Variants in PCLO observed in about 807,000 individuals in gnomAD.
PCLO encodes the protein protein piccolo.
PCLO carries 82 observed loss-of-function variants against 427.5 expected under a neutral mutation model. That is an observed-to-expected ratio of 0.19 (90% confidence interval 0.16 to 0.23). The LOEUF is 0.23. PCLO is among the 10% of genes least tolerant of loss of function. The pLI, the probability that PCLO is intolerant of heterozygous loss-of-function variation, is 1.00. For missense variants in PCLO, 6,239 were observed against 6,115.9 expected (o/e 1.02, Z -0.67); for synonymous variants, 2,357 against 2,155.4 (o/e 1.09, Z -2.59).
At chr7:82,966,884 T>C (rs1366281512) in intron 3 of PCLO, among the ~76,000 whole-genome samples, 11 of 152,286 alleles carry the variant, frequency 7.2e-5, no homozygotes, top group South Asian at 2.1e-4. Context: ...AAGACTATTA[T>C]ATTTCATAAT....
At chr7:82,924,861 T>G (rs750615895) in intron 6 of PCLO, among the ~76,000 whole-genome samples, 1 of 151,882 alleles carries the variant, frequency 6.6e-6, no homozygotes, top group Non-Finnish European at 1.5e-5. Context: ...AGTTAAAAAA[T>G]AGATGGAAAC....
intron 3 of PCLO, among the ~76,000 whole-genome samples, chr7:83,054,735 C>A (rs1039284027): frequency 1.3e-5 from 2 of 151,832 alleles, no homozygotes; most frequent in Non-Finnish European, 2.9e-5. Context: ...AATTTTAATA[C>A]AAATAATTGG....
intron 3 of PCLO, among the ~76,000 whole-genome samples, chr7:83,033,831 A>T (rs1737638467): frequency 6.6e-6 from 1 of 152,140 alleles, no homozygotes; most frequent in Admixed American, 6.6e-5. Context: ...ATATTTCCCA[A>T]GACTTGACTG....
At chr7:82,888,081 A>G (rs1424020071) in intron 9 of PCLO, among the ~76,000 whole-genome samples, 3 of 151,314 alleles carry the variant, frequency 2.0e-5, no homozygotes, top group Admixed American at 1.3e-4. Context: ...AAACAAAAAA[A>G]AAAAGAAAGA....
intron 3 of PCLO, among the ~76,000 whole-genome samples, chr7:83,041,364 T>C (rs1016933864): frequency 3.3e-5 from 5 of 152,150 alleles, no homozygotes; most frequent in Admixed American, 3.3e-4. Flanking sequence ...CAGAGGCTGT[T>C]AAAGTCTCTA....
rs537359673 is a variant in PCLO, at chr7:82,929,483, T to C, written c.11113-12610A>G. Among the ~76,000 whole-genome samples the C allele has an allele frequency of 2.8e-4, 42 of 152,240 alleles. 1 individual carries two copies. In the South Asian group the frequency reaches 8.7e-3, roughly 32 times the overall value. On this transcript the variant is annotated intron_variant, in intron 6 of 24. Transcript: ENST00000333891. The stretch of plus-strand genomic sequence containing the variant: ...TAAAGCTCAAATAAAAAAATCAAAA[T>C]AATCTACAATGCAAATTTCTACATT...
Position 82,955,401 on chromosome 7 carries a change from A to C in PCLO, c.5552T>G (p.Leu1851Arg). 1 of 1,613,790 alleles carries C rather than the reference A, an allele frequency of 6.2e-7. No homozygotes were observed. The highest frequency in any genetic ancestry group is 2.2e-5 in the East Asian group (1 of 44,858). The change falls in exon 5 of 25, where the codon CTC becomes CGC. Residue 1851 changes from leucine to arginine, a missense_variant. Around this residue, in one of 5 missense-constraint regions of PCLO, gnomAD observed 4,677 missense variants for 4,468.4 expected, o/e 1.05. Coordinates refer to ENST00000333891, the MANE Select transcript of PCLO (RefSeq NM_033026.6). ...ELRQAAEMEE[L>R]HRSSCSEYSP... ...ATATTCAGAACAAGAAGATCTATGG[A>C]GCTCCTCCATTTCTGCAGCCTGACG...
In PCLO at chr7:82,949,553, T is replaced by A; in HGVS notation, c.11035A>T (p.Met3679Leu). 1 of 1,613,884 alleles carries A rather than the reference T, an allele frequency of 6.2e-7. No individual in the cohort carries two copies. ...PKTAKMMQRS[M>L]SDPKPLSPTA... ...GGACTCAGAGGCTTGGGGTCAGACATAGAACGCTGCATCATCTTGGCTGTC... is the reference window on the plus strand; with the variant it reads ...GGACTCAGAGGCTTGGGGTCAGACAAAGAACGCTGCATCATCTTGGCTGTC... The change falls in exon 6 of 25, where the codon ATG becomes TTG. Residue 3679 changes from methionine (M) to leucine (L), a missense_variant. Around this residue, in one of 5 missense-constraint regions of PCLO, gnomAD observed 4,677 missense variants for 4,468.4 expected, o/e 1.05. Coordinates refer to ENST00000333891, the MANE Select transcript of PCLO (RefSeq NM_033026.6).
chr7:82,834,683 G>A (rs534370848), intron 16 of PCLO, among the ~76,000 whole-genome samples: 3 of 152,158 alleles, frequency 2.0e-5, no homozygotes, highest in Non-Finnish European at 4.4e-5. Context: ...TGCAATGAGA[G>A]ATGTGCAAAA....
chr7:83,038,049 ATCTTTAT>A (rs1788863226), intron 3 of PCLO, among the ~76,000 whole-genome samples: 1 of 40,062 alleles, frequency 2.5e-5, no homozygotes, highest in Non-Finnish European at 3.9e-5. Flanking sequence ...TTATATATAT[ATCTTTAT>A]ATATATATTT....
rs150501025 is a variant in PCLO at position 83,098,522 on chromosome 7, T to C, written c.3300+35728A>G. 1.5e-4 allele frequency among the ~76,000 whole-genome samples: 23 copies of C among 152,276 alleles called. No individual in the cohort carries two copies. In the Middle Eastern group the frequency reaches 0.017, roughly 113 times the overall value. Reference sequence around the variant, plus strand: ...GCGAATCTTAAACTTTATATATCTGTGGAACACTTCTGAATATTAGAATTT... The same window carrying C: ...GCGAATCTTAAACTTTATATATCTGCGGAACACTTCTGAATATTAGAATTT... On this transcript the variant is annotated intron_variant, in intron 3 of 24. Coordinates refer to ENST00000333891, the MANE Select transcript of PCLO (RefSeq NM_033026.6).
intron 7 of PCLO, among the ~76,000 whole-genome samples, chr7:82,912,507 T>A (rs752988649): frequency 3.9e-4 from 59 of 151,964 alleles, no homozygotes; most frequent in Non-Finnish European, 7.7e-4. Context: ...CCTGCCCCAA[T>A]TTATATCAAC....
At chr7:83,036,036 C>T (rs1788786390) in intron 3 of PCLO, among the ~76,000 whole-genome samples, 1 of 152,130 alleles carries the variant, frequency 6.6e-6, no homozygotes, top group Admixed American at 6.6e-5. Flanking sequence ...CAAGCCCATG[C>T]CTTCCTATAA....
At position 82,986,237 on chromosome 7, in the gene PCLO, G is replaced by A. The variant is rs73710107; in HGVS notation, c.3301-19750C>T. Among the ~76,000 whole-genome samples the A allele has an allele frequency of 6.6e-3, 1,002 of 151,994 alleles. 10 individuals are homozygous for A. Among genetic ancestry groups the A allele is most frequent in the African/African-American group, 0.023 (938 of 41,520 alleles). On this transcript the variant is annotated intron_variant, in intron 3 of 24. Coordinates refer to ENST00000333891, the MANE Select transcript of PCLO (RefSeq NM_033026.6). ...TGCTTTTGTTTTTAAACCTGTTTTAGTAAGTTATGATCATTATATGCATAT... is the reference window on the plus strand; with the variant it reads ...TGCTTTTGTTTTTAAACCTGTTTTAATAAGTTATGATCATTATATGCATAT...
In PCLO at chr7:82,826,618, T is replaced by C; in HGVS notation, c.14386A>G (p.Arg4796Gly). Residue 4796 changes from arginine (R) to glycine (G), a missense_variant, in exon 18 of 25, where the codon AGA becomes GGA. Coordinates refer to ENST00000333891, the MANE Select transcript of PCLO (RefSeq NM_033026.6). ...TLEVTVWDYD[R>G]FSSNDFLGEV... ...CCAAGGAAGTCGTTGGATGAAAATC[T>C]ATCATAATCCCAAACTGTCACCTCC... 2 of 1,607,996 alleles carry C rather than the reference T, an allele frequency of 1.2e-6. No homozygotes were observed. Among genetic ancestry groups the C allele is most frequent in the Non-Finnish European group, 1.7e-6 (2 of 1,176,274 alleles).
At chr7:83,049,435 C>T (rs974138571) in intron 3 of PCLO, among the ~76,000 whole-genome samples, 2 of 151,960 alleles carry the variant, frequency 1.3e-5, no homozygotes, top group Non-Finnish European at 1.5e-5. Context: ...GCCAGCAAAC[C>T]GAGAGGATGG....
chr7:83,072,846 T>C (rs1460692678), intron 3 of PCLO, among the ~76,000 whole-genome samples: 1 of 152,016 alleles, frequency 6.6e-6, no homozygotes, highest in Non-Finnish European at 1.5e-5. Flanking sequence ...CTTTCCCTGA[T>C]CAGGACATTA....
intron 22 of PCLO, among the ~76,000 whole-genome samples, chr7:82,779,746 C>CTTTTT (rs397976054): frequency 3.0e-5 from 4 of 134,388 alleles, no homozygotes; most frequent in East Asian, 2.1e-4. Flanking sequence ...TTCTTTCTTT[C>CTTTTT]TTTTTTTTTT....
rs554249133 is a variant in PCLO at position 83,147,068 on chromosome 7, T to TA, written c.1893+7679dup. 8.7e-4 allele frequency among the ~76,000 whole-genome samples: 115 copies of TA among 132,056 alleles called. No individual in the cohort carries two copies. The East Asian group carries it at 0.01, about 12-fold the overall frequency. 86.6% of individuals were successfully genotyped at this position (132,056 alleles called of 152,430 possible). Reference sequence around the variant, plus strand: ...AAAAGCTGAAGGTATAAAAAAAAAATAAAAAAAAAAAAGGCTTTGGTTCCA... The same window carrying TA: ...AAAAGCTGAAGGTATAAAAAAAAAATAAAAAAAAAAAAAGGCTTTGGTTCCA... On this transcript the variant is annotated intron_variant, in intron 2 of 24. Transcript: ENST00000333891.
Sources: allele counts gnomAD v4.1 joint callset (sites outside exome capture counted in the v4.1 genomes callset), GRCh38; gene constraint gnomAD v4.1.1; regional missense constraint gnomAD v4.1.1; transcripts MANE v1.5; gene names NCBI Gene and HGNC (gene_info 2026-07-23, HGNC 2026-07-21).